The following ATP11C variants were observed in gnomAD, a reference collection of about 807,000 sequenced individuals.
The protein encoded by ATP11C is phospholipid-transporting ATPase IG.
A neutral mutation model predicts 97.4 loss-of-function variants in ATP11C; 36 were observed. That is an observed-to-expected ratio of 0.37 (90% CI 0.28 to 0.49). ATP11C has a LOEUF of 0.49. Ranked by LOEUF, ATP11C falls within the 20% of genes least tolerant of loss-of-function variation. ATP11C has a pLI of 0.98. For synonymous variants in ATP11C, 275 were observed against 290.9 expected, an observed-to-expected ratio of 0.95 and a Z score of 0.56; for missense variants, 730 against 824.6, an observed-to-expected ratio of 0.89 and a Z score of 1.40.
intron 2 of ATP11C, among the ~76,000 whole-genome samples, chrX:139,820,738 G>A (rs769562280): frequency 2.0e-4 from 22 of 111,423 alleles, no homozygotes; most frequent in Middle Eastern, 4.7e-3. Context: ...ACTGTCAATC[G>A]TACTTTGTCC....
chrX:139,834,730 G>C (rs1186907953), intron 1 of ATP11C, among the ~76,000 whole-genome samples: 1 of 111,704 alleles, frequency 9.0e-6, no homozygotes, highest in Non-Finnish European at 1.9e-5. Flanking sequence ...AAGATAAATG[G>C]CAAGAATATC....
intron 1 of ATP11C, among the ~76,000 whole-genome samples, chrX:139,862,816 C>T (rs1603404711): frequency 9.0e-6 from 1 of 111,440 alleles, no homozygotes; most frequent in Non-Finnish European, 1.9e-5. Context: ...AAAAGTGAAC[C>T]ACTATGTATA....
At chrX:139,865,701 C>A (rs1221636235) in intron 1 of ATP11C, among the ~76,000 whole-genome samples, 2 of 111,134 alleles carry the variant, frequency 1.8e-5, no homozygotes, top group Non-Finnish European at 3.8e-5. Context: ...GCGGAGGTTG[C>A]AGTGAGCAAA....
At chrX:139,761,364 T>C (rs1207203448) in intron 22 of ATP11C, among the ~76,000 whole-genome samples, 1 of 111,860 alleles carries the variant, frequency 8.9e-6, no homozygotes, top group Non-Finnish European at 1.9e-5. Flanking sequence ...TGTATAAAAG[T>C]ATAAAAAAAG....
At position 139,857,789 on chromosome X, in the gene ATP11C, A is replaced by G. The variant is rs181308252; in HGVS notation, c.28-30966T>C. Among the ~76,000 whole-genome samples the G allele has an allele frequency of 1.2e-4, 13 of 108,261 alleles. No homozygotes were observed. The East Asian group carries it at 3.7e-3, about 30-fold the overall frequency. 94.0% of individuals were successfully genotyped at this position (108,261 alleles called of 115,157 possible). On this transcript the variant is annotated intron_variant, in intron 1 of 29. Transcript: ENST00000682941. Reference sequence around the variant, plus strand: ...TGAGAATTAAAAAGAAAATTTTTAAATTAAAAAAAAAAAAACTTTTGGAGC... The same window carrying G: ...TGAGAATTAAAAAGAAAATTTTTAAGTTAAAAAAAAAAAAACTTTTGGAGC...
chrX:139,817,166 C>T (rs1252352150), intron 3 of ATP11C, among the ~76,000 whole-genome samples: 2 of 112,243 alleles, frequency 1.8e-5, no homozygotes, highest in African/African-American at 6.5e-5. Context: ...GGATTAACCC[C>T]TTTATTGAAA....
At chrX:139,922,648 T>C (rs1294982396) in intron 1 of ATP11C, among the ~76,000 whole-genome samples, 1 of 110,574 alleles carries the variant, frequency 9.0e-6, no homozygotes, top group Non-Finnish European at 1.9e-5. Context: ...ATACAATAAG[T>C]CACCAGTCTG....
At chrX:139,755,746 A>G (rs745344907) in intron 23 of ATP11C, among the ~76,000 whole-genome samples, 11 of 112,163 alleles carry the variant, frequency 9.8e-5, no homozygotes, top group Non-Finnish European at 1.9e-4. Flanking sequence ...TATTCAATAA[A>G]TGGCACTAGG....
At chrX:139,870,785 G>A (rs191934914) in intron 1 of ATP11C, among the ~76,000 whole-genome samples, 116 of 112,001 alleles carry the variant, frequency 1.0e-3, no homozygotes, top group African/African-American at 3.7e-3. Flanking sequence ...GGCCAGGCGC[G>A]GTGGCTCACG....
Position 139,768,433 on chromosome X carries a change from C to T in ATP11C, c.2218G>A (p.Ala740Thr). 9.1e-7 allele frequency: 1 copy of T among 1,095,213 alleles called. No homozygotes were observed. Among genetic ancestry groups the T allele is most frequent in the Non-Finnish European group, 1.2e-6 (1 of 832,832 alleles). The allele number at this position is 1,095,213 out of a possible 1,213,427, so 90.3% of individuals were successfully genotyped here. ...FPKSTRSFKK[A>T]WTEHQEYGLI... Reference sequence around the variant, plus strand: ...CCATATTCCTGATGTTCTGTCCATGCTCTGAAAAAGAGAAACAATGCTATG... The same window carrying T: ...CCATATTCCTGATGTTCTGTCCATGTTCTGAAAAAGAGAAACAATGCTATG... The change falls in exon 20 of 30, where the codon GCA (alanine) becomes ACA (threonine). Residue 740 changes from alanine (A) to threonine (T), a missense_variant and splice_region_variant. Coordinates refer to ENST00000682941, the MANE Select transcript of ATP11C (RefSeq NM_001353812.2).
chrX:139,888,340 C>T (rs1323337337), intron 1 of ATP11C, among the ~76,000 whole-genome samples: 1 of 110,063 alleles, frequency 9.1e-6, no homozygotes, highest in Non-Finnish European at 1.9e-5. Flanking sequence ...ACCATGTTGG[C>T]CAGGCTGCTC....
intron 5 of ATP11C, among the ~76,000 whole-genome samples, chrX:139,809,690 G>A (rs1244860422): frequency 2.7e-5 from 3 of 111,880 alleles, no homozygotes; most frequent in Non-Finnish European, 5.7e-5. Flanking sequence ...GGGGCCTGGC[G>A]CGGTGGCTCA....
intron 1 of ATP11C, among the ~76,000 whole-genome samples, chrX:139,879,390 G>C (rs1180508683): frequency 4.6e-5 from 5 of 109,700 alleles, no homozygotes; most frequent in African/African-American, 1.7e-4. Context: ...AATGAACCTA[G>C]AGGACAGTTA....
chrX:139,812,833 T>C (rs1301431466), intron 5 of ATP11C, among the ~76,000 whole-genome samples: 1 of 112,257 alleles, frequency 8.9e-6, no homozygotes, highest in Non-Finnish European at 1.9e-5. Context: ...CTTTGGTTCT[T>C]ACGCTGATCA....
In ATP11C at chrX:139,769,332, T is replaced by C. The variant is rs767649604; in HGVS notation, c.2217-898A>G. 1.0e-3 allele frequency among the ~76,000 whole-genome samples: 72 copies of C among 70,656 alleles called. 1 individual carries two copies. Among genetic ancestry groups the C allele is most frequent in the African/African-American group, 3.2e-3 (66 of 20,530 alleles). 61.4% of individuals were successfully genotyped at this position (70,656 alleles called of 115,157 possible). A position where few individuals can be genotyped will look rare whatever the true frequency, so the allele number is the denominator to read the frequency against. ...TATATATATATATATATATATTCTT[T>C]AAATGTATCATTTTACATACTAGCT... On this transcript the variant is annotated intron_variant, in intron 19 of 29. Coordinates refer to ENST00000682941, the MANE Select transcript of ATP11C (RefSeq NM_001353812.2).
chrX:139,813,507 C>T (rs2083220885), intron 5 of ATP11C, among the ~76,000 whole-genome samples: 1 of 112,063 alleles, frequency 8.9e-6, no homozygotes, highest in Non-Finnish European at 1.9e-5. Context: ...TGCCAAAACT[C>T]GGAGGCAACT....
At chrX:139,901,895 G>A (rs771939312) in intron 1 of ATP11C, among the ~76,000 whole-genome samples, 2 of 111,077 alleles carry the variant, frequency 1.8e-5, no homozygotes, top group African/African-American at 6.6e-5. Flanking sequence ...AATGGGACTA[G>A]AGTGTCCCTG....
intron 1 of ATP11C, among the ~76,000 whole-genome samples, chrX:139,921,074 C>T (rs1471489934): frequency 2.7e-5 from 3 of 111,281 alleles, no homozygotes; most frequent in African/African-American, 9.8e-5. Flanking sequence ...ATTTACTGAA[C>T]GGGAAAACTG....
chrX:139,885,585 CTTTTATCCATGAT>C (rs2084628485), intron 1 of ATP11C: 1 of 111,845 alleles, frequency 8.9e-6, no homozygotes, highest in Non-Finnish European at 1.9e-5. Context: ...TACTTCATTT[CTTTTATCCATGAT>C]TTTTATCCAT....
Sources: allele counts gnomAD v4.1 joint callset (sites outside exome capture counted in the v4.1 genomes callset), GRCh38; gene constraint gnomAD v4.1.1; transcripts MANE v1.5; gene names NCBI Gene and HGNC (gene_info 2026-07-23, HGNC 2026-07-21).